The following SHISA9 variants were observed in gnomAD, a reference collection of about 807,000 sequenced individuals.
SHISA9 encodes the protein protein shisa-9.
In SHISA9, 13 loss-of-function variants were observed where a neutral mutation model predicts 38.0. That is an observed-to-expected ratio of 0.34 (90% confidence interval 0.22 to 0.54). The LOEUF (loss-of-function observed/expected upper bound fraction) is 0.54. Ranked by LOEUF, SHISA9 falls within the 20% of genes least tolerant of loss-of-function variation. The probability of loss-of-function intolerance (pLI) is 0.91; values close to 1 mark genes in which losing one functional copy is unlikely to be tolerated. For missense variants in SHISA9, 538 were observed against 575.8 expected (o/e 0.93, Z 0.67); for synonymous variants, 275 against 242.0 (o/e 1.14, Z -1.27).
intron 2 of SHISA9, among the ~76,000 whole-genome samples, chr16:13,117,695 G>T (rs2074044264): frequency 6.6e-6 from 1 of 152,162 alleles, no homozygotes; most frequent in African/African-American, 2.4e-5. Context: ...TTGGGAAGGG[G>T]CATGGCCCTG....
chr16:12,970,750 C>T (rs2141810336), intron 2 of SHISA9, among the ~76,000 whole-genome samples: 1 of 151,576 alleles, frequency 6.6e-6, no homozygotes, highest in Non-Finnish European at 1.5e-5. Flanking sequence ...TCTCAAACTC[C>T]TGACCTCAGG....
chr16:13,435,265 A>G, the SHISA9 span, among the ~76,000 whole-genome samples: 113,572 of 151,824 alleles, frequency 0.75, 42,623 homozygotes, highest in Admixed American at 0.83. Context: ...AGATAACTAT[A>G]TGTCAGGAGC....
At chr16:13,266,013 A>G in the SHISA9 span, among the ~76,000 whole-genome samples, 2 of 152,230 alleles carry the variant, frequency 1.3e-5, no homozygotes, top group Non-Finnish European at 2.9e-5. Flanking sequence ...AATTTTGCTC[A>G]TCAGACAACA....
At chr16:13,410,408 G>T in the SHISA9 span, among the ~76,000 whole-genome samples, 1 of 152,080 alleles carries the variant, frequency 6.6e-6, no homozygotes, top group Non-Finnish European at 1.5e-5. Context: ...GCCCAATGAG[G>T]CAACAGTTCT....
chr16:13,047,339 AG>A (rs2073199381), intron 2 of SHISA9, among the ~76,000 whole-genome samples: 1 of 151,780 alleles, frequency 6.6e-6, no homozygotes, highest in South Asian at 2.1e-4. Flanking sequence ...AAAAAAAAAA[AG>A]ATCAGGAAAA....
In SHISA9 at chr16:13,048,429, AT is replaced by A. The variant is rs370598688; in HGVS notation, c.691+131624del. On this transcript the variant is annotated intron_variant, in intron 2 of 4. Coordinates refer to ENST00000558583, the MANE Select transcript of SHISA9 (RefSeq NM_001145204.3). ...CAAAAATAGTTTATGGACTTATAAC[AT>A]TTTTTTTTTGAGACGGAGTCTAGCT... Among the ~76,000 whole-genome samples, 583 of 149,962 alleles carry A rather than the reference AT, an allele frequency of 3.9e-3. 3 individuals carry two copies. Among genetic ancestry groups the A allele is most frequent in the African/African-American group, 4.8e-3 (198 of 40,982 alleles).
chr16:13,095,382 T>A (rs2073814703), intron 2 of SHISA9, among the ~76,000 whole-genome samples: 1 of 152,186 alleles, frequency 6.6e-6, no homozygotes. Context: ...AGGTTGCACA[T>A]CTTAACAAAA....
At chr16:13,168,646 G>A (rs2050658980) in intron 2 of SHISA9, among the ~76,000 whole-genome samples, 1 of 152,220 alleles carries the variant, frequency 6.6e-6, no homozygotes, top group Admixed American at 6.5e-5. Flanking sequence ...AGAAAGCAGT[G>A]AGAGCTTAGG....
At chr16:13,465,077 A>G in the SHISA9 span, among the ~76,000 whole-genome samples, 1 of 152,168 alleles carries the variant, frequency 6.6e-6, no homozygotes, top group Non-Finnish European at 1.5e-5. Flanking sequence ...CCTCAGTCTT[A>G]TTAACATTTT....
the SHISA9 span, among the ~76,000 whole-genome samples, chr16:13,307,905 C>A: frequency 1.3e-5 from 2 of 152,158 alleles, no homozygotes; most frequent in Non-Finnish European, 2.9e-5. Flanking sequence ...GGATGATTAA[C>A]GGTCCTTCCA....
chr16:13,423,039 A>T, the SHISA9 span, among the ~76,000 whole-genome samples: 2 of 152,224 alleles, frequency 1.3e-5, 1 homozygote, highest in South Asian at 4.1e-4. Context: ...TTGCACAAAT[A>T]ATTTAGTGTC....
chr16:13,353,905 T>C, the SHISA9 span, among the ~76,000 whole-genome samples: 1 of 152,132 alleles, frequency 6.6e-6, no homozygotes. Context: ...GGCTCATCTG[T>C]TATGAGACTG....
chr16:13,336,071 C>T, the SHISA9 span, among the ~76,000 whole-genome samples: 118 of 152,286 alleles, frequency 7.7e-4, no homozygotes, highest in Middle Eastern at 6.8e-3. Context: ...TGGGGTCCAG[C>T]GTGGTGCCTC....
At chr16:13,049,483 C>T (rs1265828672) in intron 2 of SHISA9, among the ~76,000 whole-genome samples, 1 of 152,128 alleles carries the variant, frequency 6.6e-6, no homozygotes, top group Admixed American at 6.6e-5. Context: ...TGGCTTTGCT[C>T]TTTACACCCA....
At chr16:13,411,702 C>A in the SHISA9 span, among the ~76,000 whole-genome samples, 1 of 152,192 alleles carries the variant, frequency 6.6e-6, no homozygotes, top group East Asian at 1.9e-4. Context: ...GGATATAGCC[C>A]TTTTCTTTAA....
chr16:12,960,557 A>G (rs1390959793), intron 2 of SHISA9, among the ~76,000 whole-genome samples: 1 of 152,236 alleles, frequency 6.6e-6, no homozygotes, highest in Non-Finnish European at 1.5e-5. Flanking sequence ...AAAATGTGGT[A>G]CATATACACC....
rs185859806 is a variant in SHISA9 at position 13,059,565 on chromosome 16, G to A, written c.691+142750G>A. On this transcript the variant is annotated intron_variant, in intron 2 of 4. Coordinates refer to ENST00000558583, the MANE Select transcript of SHISA9 (RefSeq NM_001145204.3). ...ATCAGGATAAACAGCAAATACATGC[G>A]GGGGGTCTTCATACCTAGGTGATGG... 7.9e-5 allele frequency among the ~76,000 whole-genome samples: 12 copies of A among 152,142 alleles called. No individual in the cohort carries two copies. In the East Asian group the frequency reaches 1.2e-3, roughly 15 times the overall value.
intron 2 of SHISA9, among the ~76,000 whole-genome samples, chr16:12,971,199 CA>C (rs1392504615): frequency 6.6e-6 from 1 of 152,202 alleles, no homozygotes; most frequent in Admixed American, 6.5e-5. Context: ...TAAAAGGTGA[CA>C]CCTGCTGCCC....
chr16:13,032,257 G>A (rs573100808), intron 2 of SHISA9, among the ~76,000 whole-genome samples: 89 of 152,178 alleles, frequency 5.8e-4, no homozygotes, highest in African/African-American at 2.0e-3. Flanking sequence ...TCCCACTTAT[G>A]AGTGAGAACA....
Sources: gnomAD v4.1 joint callset for allele counts (sites outside exome capture counted in the v4.1 genomes callset) on GRCh38, gnomAD v4.1.1 for gene constraint, MANE v1.5 for transcripts, NCBI Gene and HGNC (gene_info 2026-07-23, HGNC 2026-07-21) for gene names.